Variants in WWOX observed in about 807,000 individuals in gnomAD.
WWOX encodes the protein WW domain-containing oxidoreductase.
Under a neutral mutation model 46.2 loss-of-function variants are expected in WWOX, and 69 were observed. The ratio of observed to expected loss-of-function variants is 1.49; its 90% confidence interval spans 1.23 to 1.82. The LOEUF is 1.82. Ranked by LOEUF, WWOX falls within the 40% of genes most tolerant of loss-of-function variation. The probability of loss-of-function intolerance (pLI) is 0.00; values close to 1 mark genes in which losing one functional copy is unlikely to be tolerated. For missense variants in WWOX, 919 were observed against 542.6 expected (o/e 1.69, Z -6.89); for synonymous variants, 359 against 202.6 (o/e 1.77, Z -6.56).
At chr16:79,197,171 G>C (rs1597466233) in intron 8 of WWOX, among the ~76,000 whole-genome samples, 1 of 152,120 alleles carries the variant, frequency 6.6e-6, no homozygotes, top group African/African-American at 2.4e-5. Context: ...CTGTCCTTCA[G>C]GTACCCTAAG....
chr16:78,670,959 G>A (rs1418668416), intron 8 of WWOX, among the ~76,000 whole-genome samples: 1 of 151,942 alleles, frequency 6.6e-6, no homozygotes, highest in Non-Finnish European at 1.5e-5. Context: ...TGCCAAGACA[G>A]AAGTAAAGAT....
At chr16:78,975,148 A>G (rs1488378473) in intron 8 of WWOX, among the ~76,000 whole-genome samples, 1 of 152,240 alleles carries the variant, frequency 6.6e-6, no homozygotes, top group Non-Finnish European at 1.5e-5. Context: ...GTCCTTAAAA[A>G]GTCAACATTG....
At chr16:78,495,662 C>T (rs1009163944) in intron 8 of WWOX, among the ~76,000 whole-genome samples, 5 of 151,840 alleles carry the variant, frequency 3.3e-5, no homozygotes, top group East Asian at 1.9e-4. Context: ...GCCAACGCCA[C>T]GGCACCTGGC....
At chr16:78,801,795 T>TCCC (rs1298756626) in intron 8 of WWOX, among the ~76,000 whole-genome samples, 15 of 152,092 alleles carry the variant, frequency 9.9e-5, no homozygotes. Flanking sequence ...GACATTTCAT[T>TCCC]TTTTTTAGGA....
intron 8 of WWOX, among the ~76,000 whole-genome samples, chr16:79,073,577 G>C (rs990098811): frequency 6.6e-6 from 1 of 152,164 alleles, no homozygotes; most frequent in African/African-American, 2.4e-5. Context: ...TTTAAGATCA[G>C]TGTTGCAGAC....
intron 8 of WWOX, among the ~76,000 whole-genome samples, chr16:78,515,836 A>G (rs568364913): frequency 6.6e-6 from 1 of 152,190 alleles, no homozygotes; most frequent in Non-Finnish European, 1.5e-5. Context: ...AAAAAAAGCA[A>G]TAACATTCTC....
At chr16:79,067,201 G>T (rs1344950838) in intron 8 of WWOX, among the ~76,000 whole-genome samples, 1 of 152,116 alleles carries the variant, frequency 6.6e-6, no homozygotes, top group Non-Finnish European at 1.5e-5. Flanking sequence ...ATCTGTCTTT[G>T]CTTCTGGTGA....
intron 8 of WWOX, among the ~76,000 whole-genome samples, chr16:79,087,412 G>C (rs142711783): frequency 6.6e-6 from 1 of 152,218 alleles, no homozygotes; most frequent in East Asian, 1.9e-4. Flanking sequence ...CACTGTGTTT[G>C]AGAGTCACAT....
intron 8 of WWOX, among the ~76,000 whole-genome samples, chr16:79,098,755 T>G (rs533616182): frequency 1.1e-4 from 16 of 152,216 alleles, no homozygotes; most frequent in Non-Finnish European, 1.6e-4. Context: ...TACACTTTGT[T>G]GGAAAGTGGA....
At chr16:78,554,332 G>A (rs1357546416) in intron 8 of WWOX, among the ~76,000 whole-genome samples, 2 of 152,064 alleles carry the variant, frequency 1.3e-5, no homozygotes, top group Non-Finnish European at 2.9e-5. Context: ...AAGTATGTGG[G>A]AATTATTTAT....
chr16:79,101,748 A>AC (rs1293064225), intron 8 of WWOX: 5 of 151,654 alleles, frequency 3.3e-5, no homozygotes, highest in Non-Finnish European at 7.4e-5. Context: ...AGCCTTAAAA[A>AC]AAAAAAAAAA....
intron 5 of WWOX, among the ~76,000 whole-genome samples, chr16:78,254,499 C>CTTTTTTTTTTTTTTTTTTTTTTTT (rs1597405923): frequency 1.9e-5 from 1 of 52,136 alleles, no homozygotes; most frequent in African/African-American, 1.2e-4. Context: ...TCTTTTCTTT[C>CTTTTTTTTTTTTTTTTTTTTTTTT]TTGTTTTTTT....
chr16:78,683,828 T>A (rs930864046), intron 8 of WWOX, among the ~76,000 whole-genome samples: 6 of 152,112 alleles, frequency 3.9e-5, no homozygotes, highest in Non-Finnish European at 5.9e-5. Flanking sequence ...TAATTCAGAT[T>A]TTCTGAGTGT....
At chr16:78,653,366 G>A (rs955094016) in intron 8 of WWOX, among the ~76,000 whole-genome samples, 8 of 152,170 alleles carry the variant, frequency 5.3e-5, no homozygotes, top group East Asian at 3.8e-4. Context: ...TTTTGTAAAA[G>A]TAATCAGAGC....
chr16:78,282,250 A>G (rs1567476811), intron 5 of WWOX, among the ~76,000 whole-genome samples: 2 of 152,194 alleles, frequency 1.3e-5, no homozygotes, highest in Non-Finnish European at 2.9e-5. Flanking sequence ...TTCTGGACAC[A>G]CAAATCTATA....
chr16:78,390,210 G>A (rs1239498721), intron 6 of WWOX, among the ~76,000 whole-genome samples: 2 of 152,192 alleles, frequency 1.3e-5, no homozygotes, highest in Non-Finnish European at 2.9e-5. Flanking sequence ...GAATAACTTT[G>A]TCCAGTTCCT....
At chr16:78,614,262 A>T (rs1016073303) in intron 8 of WWOX, among the ~76,000 whole-genome samples, 6 of 152,230 alleles carry the variant, frequency 3.9e-5, no homozygotes, top group African/African-American at 1.4e-4. Flanking sequence ...AGTCCTTTCC[A>T]GCTTGGGCAG....
chr16:79,170,959 C>T (rs2050688811), intron 8 of WWOX, among the ~76,000 whole-genome samples: 1 of 152,162 alleles, frequency 6.6e-6, no homozygotes, highest in Non-Finnish European at 1.5e-5. Flanking sequence ...AATATTCCTG[C>T]ATGCACACTC....
At chr16:78,810,274 C>T (rs1404177628) in intron 8 of WWOX, among the ~76,000 whole-genome samples, 1 of 152,180 alleles carries the variant, frequency 6.6e-6, no homozygotes, top group African/African-American at 2.4e-5. Context: ...CAATTTCCAC[C>T]TGGATCTGTT....
Sources: allele counts gnomAD v4.1 joint callset (sites outside exome capture counted in the v4.1 genomes callset), GRCh38; gene constraint gnomAD v4.1.1; transcripts MANE v1.5; gene names NCBI Gene and HGNC (gene_info 2026-07-23, HGNC 2026-07-21).